The following ACP3 variants were observed in gnomAD, a reference collection of about 807,000 sequenced individuals.
ACP3 encodes acid phosphatase 3, also known as prostatic acid phosphatase.
Under a neutral mutation model 45.6 loss-of-function variants are expected in ACP3, and 38 were observed. The ratio of observed to expected loss-of-function variants is 0.83; its 90% CI spans 0.64 to 1.09. ACP3 has a LOEUF of 1.09. Ranked by LOEUF, ACP3 falls within the 50% of genes least tolerant of loss-of-function variation. The pLI is 0.00. For missense variants in ACP3, 466 were observed against 463.2 expected (o/e 1.01, Z -0.05); for synonymous variants, 162 against 164.7 (o/e 0.98, Z 0.13).
At chr3:132,366,819 C>T (rs1328065587) in intron 10 of ACP3, among the ~76,000 whole-genome samples, 3 of 152,194 alleles carry the variant, frequency 2.0e-5, no homozygotes, top group Non-Finnish European at 4.4e-5. Flanking sequence ...ATACAATTAT[C>T]TGCTTAACCA....
intron 4 of ACP3, among the ~76,000 whole-genome samples, chr3:132,335,630 C>T (rs1937476763): frequency 6.6e-6 from 1 of 151,972 alleles, no homozygotes; most frequent in African/African-American, 2.4e-5. Flanking sequence ...AGAAATGAAA[C>T]AGGTTAATAT....
At chr3:132,317,931 T>C (rs1375885633) in intron 1 of ACP3, among the ~76,000 whole-genome samples, 1 of 152,250 alleles carries the variant, frequency 6.6e-6, no homozygotes, top group Admixed American at 6.5e-5. Flanking sequence ...CTGGCTTCAT[T>C]CAATTTAATC....
At position 132,349,933 on chromosome 3, in the gene ACP3, T is replaced by C. The variant is rs757644861; in HGVS notation, c.795T>C (p.Asn265=). The C allele has an allele frequency of 1.9e-6, 3 of 1,612,350 alleles. No homozygotes were observed. The highest frequency in any genetic ancestry group is 1.7e-5 in the Admixed American group (1 of 60,002). ...ATCTTCTTTAAGGTGTCCTGGTCAA[T>C]GAAATCCTCAATCACATGAAGAGAG... ...KSRLQGGVLV[N]EILNHMKRAT... Residue 265 remains asparagine (N), a synonymous_variant, in exon 8 of 10, where the codon AAT becomes AAC. Coordinates refer to ENST00000336375, the MANE Select transcript of ACP3 (RefSeq NM_001099.5).
rs1015690006 is a variant in ACP3 at position 132,358,328 on chromosome 3, G to T, written c.*1450G>T. On this transcript the variant is annotated 3_prime_UTR_variant, in exon 10 of 10. Transcript: ENST00000336375. ...AGTTCAAAACTTATTGGAATGTTGA[G>T]AGTGTGGTTACGAAATACGTTAGGA... 3.6e-6 allele frequency: 4 copies of T among 1,112,484 alleles called. No homozygotes were observed. In the African/African-American group the frequency reaches 6.5e-5, roughly 18 times the overall value. 68.9% of individuals were successfully genotyped at this position (1,112,484 alleles called of 1,614,324 possible).
chr3:132,358,551 C>T lies in ACP3; in HGVS notation c.*1673C>T. 8.6e-7 allele frequency: 1 copy of T among 1,159,048 alleles called. No individual in the cohort carries two copies. Among genetic ancestry groups the T allele is most frequent in the South Asian group, 1.7e-5 (1 of 58,402 alleles). 71.8% of individuals were successfully genotyped at this position (1,159,048 alleles called of 1,614,324 possible). ...ATGAGATGGTTTCTAGAGATGGTTT[C>T]TACTGGCTGCCAGAATCTAGAGCAA... On this transcript the variant is annotated 3_prime_UTR_variant, in exon 10 of 10. Coordinates refer to ENST00000336375, the MANE Select transcript of ACP3 (RefSeq NM_001099.5).
At chr3:132,364,801 C>CAG (rs1938102872) in intron 10 of ACP3, among the ~76,000 whole-genome samples, 1 of 152,202 alleles carries the variant, frequency 6.6e-6, no homozygotes, top group Non-Finnish European at 1.5e-5. Context: ...CATGTTCCAT[C>CAG]AGACTGCTAT....
At position 132,357,197 on chromosome 3, in the gene ACP3, AT is replaced by A; in HGVS notation, c.*320del. The A allele has an allele frequency of 9.8e-7, 1 of 1,019,608 alleles. No individual in the cohort carries two copies. The highest frequency in any genetic ancestry group is 1.2e-6 in the Non-Finnish European group (1 of 852,178). 63.2% of individuals were successfully genotyped at this position (1,019,608 alleles called of 1,614,324 possible). The stretch of plus-strand genomic sequence containing the variant: ...TGAACTATATGACTGGCCACACAGG[AT>A]CTTTTGTATTTAAGGATTCTGAGAT... On this transcript the variant is annotated 3_prime_UTR_variant, in exon 10 of 10. Coordinates refer to ENST00000336375, the MANE Select transcript of ACP3 (RefSeq NM_001099.5).
At chr3:132,352,624 T>A (rs2107815117) in intron 8 of ACP3, 96 bp from the exon 9 acceptor site, 1 of 843,202 alleles carries the variant, frequency 1.2e-6, no homozygotes, top group South Asian at 1.5e-5. Flanking sequence ...ATGGGAAATT[T>A]AATTGAATCA....
At chr3:132,361,606 C>T (rs1938041511), downstream of ACP3, among the ~76,000 whole-genome samples, 1 of 152,222 alleles carries the variant, frequency 6.6e-6, no homozygotes, top group Non-Finnish European at 1.5e-5. Flanking sequence ...TCAACTGAGT[C>T]TCTCAGTGTT....
At chr3:132,332,425 G>C in intron 4 of ACP3, 81 bp downstream of exon 4, 1 of 1,478,524 alleles carries the variant, frequency 6.8e-7, no homozygotes, top group Non-Finnish European at 9.4e-7. Flanking sequence ...GTGGATTTGG[G>C]AGTCTGGACA....
At chr3:132,360,547 T>C (rs902760388), downstream of ACP3, among the ~76,000 whole-genome samples, 2 of 152,198 alleles carry the variant, frequency 1.3e-5, no homozygotes, top group Non-Finnish European at 1.5e-5. Flanking sequence ...ATCAATTAAA[T>C]TCACCAGAGT....
chr3:132,353,615 T>G lies in ACP3; in HGVS notation c.968+792T>G, dbSNP rs377349341. Among the ~76,000 whole-genome samples the G allele has an allele frequency of 1.7e-4, 26 of 152,302 alleles. No individual in the cohort carries two copies. The East Asian group carries it at 2.9e-3, about 17-fold the overall frequency. ...AAGGCAGTGACCCCAGAGTTTGTTTTGGGATTAGTCAGGGAGATCTATTTT... is the reference window on the plus strand; with the variant it reads ...AAGGCAGTGACCCCAGAGTTTGTTTGGGGATTAGTCAGGGAGATCTATTTT... On this transcript the variant is annotated intron_variant, in intron 9 of 9. Coordinates refer to ENST00000336375, the MANE Select transcript of ACP3 (RefSeq NM_001099.5).
intron 9 of ACP3, among the ~76,000 whole-genome samples, chr3:132,356,103 C>T (rs1382746061): frequency 6.6e-6 from 1 of 152,118 alleles, no homozygotes; most frequent in Non-Finnish European, 1.5e-5. Flanking sequence ...CTTAACGTGA[C>T]ACAATGGAAG....
chr3:132,325,330 A>G (rs1937278573), intron 1 of ACP3, among the ~76,000 whole-genome samples: 1 of 152,182 alleles, frequency 6.6e-6, no homozygotes, highest in African/African-American at 2.4e-5. Flanking sequence ...TACCTTGGAA[A>G]CACTTAAAAC....
In ACP3 at chr3:132,356,754, G is replaced by A. The variant is rs1937910837; in HGVS notation, c.1037G>A (p.Gly346Asp). 6.2e-7 allele frequency: 1 copy of A among 1,614,140 alleles called. No individual in the cohort carries two copies. The highest frequency in any genetic ancestry group is 8.5e-7 in the Non-Finnish European group (1 of 1,180,020). ...GAGCCGTATCCCCTCATGCTACCTG[G>A]CTGCAGCCCCAGCTGTCCTCTGGAG... ...QHEPYPLMLP[G>D]CSPSCPLERF... is the part of the protein sequence containing the mutation. Residue 346 changes from glycine (G) to aspartate (D), a missense_variant, in exon 10 of 10, where the codon GGC becomes GAC. By Grantham distance (94) the Gly-to-Asp change is moderately conservative (BLOSUM62 -1). Transcript: ENST00000336375.
chr3:132,325,618 A>ACACACACACACC, intron 1 of ACP3, among the ~76,000 whole-genome samples: 1 of 151,552 alleles, frequency 6.6e-6, no homozygotes, highest in African/African-American at 2.4e-5. Context: ...ACACACACAC[A>ACACACACACACC]CCCCTTCCAA....
chr3:132,358,604 G>A lies in ACP3; in HGVS notation c.*1726G>A. On this transcript the variant is annotated 3_prime_UTR_variant, in exon 10 of 10. Transcript: ENST00000336375. ...CCATCCCCGCTCCTGGTTGGTCACA[G>A]AATGACTGACAAAGACATCGATTGA... The A allele has an allele frequency of 1.8e-6, 2 of 1,083,904 alleles. No homozygotes were observed. Among genetic ancestry groups the A allele is most frequent in the Non-Finnish European group, 2.3e-6 (2 of 877,760 alleles). The allele number at this position is 1,083,904 out of a possible 1,614,324, so 67.1% of individuals were successfully genotyped here.
At chr3:132,356,617 G>T (rs946203581) in intron 9 of ACP3, 69 bp from the exon 10 acceptor site, 110 of 1,605,886 alleles carry the variant, frequency 6.8e-5, no homozygotes, top group Admixed American at 4.6e-4. Flanking sequence ...AGTCCAAGTG[G>T]AAAGAAATTC....
chr3:132,342,446 G>A, intron 5 of ACP3, 106 bp from the exon 6 acceptor site: 1 of 729,862 alleles, frequency 1.4e-6, no homozygotes, highest in South Asian at 1.7e-5. Context: ...ATCCTATAAT[G>A]CACAGGAGAG....
Sources: allele counts gnomAD v4.1 joint callset (sites outside exome capture counted in the v4.1 genomes callset), GRCh38; gene constraint gnomAD v4.1.1; transcripts MANE v1.5; gene names NCBI Gene and HGNC (gene_info 2026-07-23, HGNC 2026-07-21).